Variants in NKAIN3 observed in about 807,000 individuals in gnomAD.
The protein encoded by NKAIN3 is sodium/potassium-transporting ATPase subunit beta-1-interacting protein 3.
In NKAIN3, 25 loss-of-function variants were observed where a neutral mutation model predicts 30.2. The ratio of observed to expected loss-of-function variants is 0.83; its 90% CI spans 0.60 to 1.16. NKAIN3 has a LOEUF of 1.16. Among genes scored for constraint, NKAIN3 ranks in the 50% most tolerant of loss-of-function variants. The pLI, the probability that NKAIN3 is intolerant of heterozygous loss-of-function variation, is 0.00. For missense variants in NKAIN3, 225 were observed against 254.1 expected, an observed-to-expected ratio of 0.89 and a Z score of 0.78; for synonymous variants, 91 against 89.6, an observed-to-expected ratio of 1.02 and a Z score of -0.09.
intron 1 of NKAIN3, among the ~76,000 whole-genome samples, chr8:62,534,781 C>T (rs1025329151): frequency 6.6e-6 from 1 of 152,008 alleles, no homozygotes; most frequent in East Asian, 1.9e-4. Flanking sequence ...GAGACCTCTA[C>T]TTCTCCATAT....
chr8:62,610,692 C>T (rs1322643940), intron 3 of NKAIN3, among the ~76,000 whole-genome samples: 3 of 152,078 alleles, frequency 2.0e-5, no homozygotes, highest in African/African-American at 7.2e-5. Flanking sequence ...TAGCCTTTTT[C>T]TTTCTTACTT....
At chr8:62,761,711 A>C (rs938574617) in intron 4 of NKAIN3, among the ~76,000 whole-genome samples, 3 of 152,220 alleles carry the variant, frequency 2.0e-5, no homozygotes, top group African/African-American at 7.2e-5. Context: ...GTATGGCTGC[A>C]TCTTCTATTA....
At chr8:62,934,549 A>G (rs1822725035) in intron 5 of NKAIN3, among the ~76,000 whole-genome samples, 2 of 152,084 alleles carry the variant, frequency 1.3e-5, no homozygotes, top group Non-Finnish European at 1.5e-5. Context: ...AAAAGCAATG[A>G]CAGAAGCTGC....
chr8:62,720,009 C>T (rs1586126634), intron 3 of NKAIN3, among the ~76,000 whole-genome samples: 1 of 152,016 alleles, frequency 6.6e-6, no homozygotes, highest in East Asian at 1.9e-4. Context: ...CGCCCGCCTC[C>T]GCCTGCCAAA....
At chr8:62,605,835 A>G (rs1268020335) in intron 3 of NKAIN3, among the ~76,000 whole-genome samples, 3 of 152,066 alleles carry the variant, frequency 2.0e-5, no homozygotes, top group African/African-American at 7.2e-5. Flanking sequence ...CCCCGTGGAT[A>G]CTGAGGAACA....
chr8:62,648,610 T>A (rs1458006597), intron 3 of NKAIN3, among the ~76,000 whole-genome samples: 1 of 152,182 alleles, frequency 6.6e-6, no homozygotes, highest in African/African-American at 2.4e-5. Flanking sequence ...GCTCAGTCAC[T>A]GAGACACTTT....
chr8:62,527,004 T>C (rs1247496829), intron 1 of NKAIN3, among the ~76,000 whole-genome samples: 1 of 152,126 alleles, frequency 6.6e-6, no homozygotes, highest in South Asian at 2.1e-4. Flanking sequence ...CATCCCACCA[T>C]AGCTTCTGTC....
In NKAIN3 at chr8:62,980,846, C is replaced by T. The variant is rs1824058886; in HGVS notation, c.*15439C>T. On this transcript the variant is annotated 3_prime_UTR_variant, in exon 7 of 7. Coordinates refer to ENST00000623646, the MANE Select transcript of NKAIN3 (RefSeq NM_001304533.3). ...TAATTCCATTTATTATTTTAAGCCA[C>T]TTGTTTGGTGTTATGGATTTTAAGA... 1 of 152,084 alleles carries T rather than the reference C, an allele frequency of 6.6e-6. No homozygotes were observed. Among genetic ancestry groups the T allele is most frequent in the Non-Finnish European group, 1.5e-5 (1 of 68,020 alleles). 9.4% of individuals were successfully genotyped at this position (152,084 alleles called of 1,614,324 possible). A position where few individuals can be genotyped will look rare whatever the true frequency, so the allele number is the denominator to read the frequency against.
intron 4 of NKAIN3, among the ~76,000 whole-genome samples, chr8:62,897,668 T>C (rs537188863): frequency 3.4e-4 from 52 of 152,184 alleles, no homozygotes; most frequent in African/African-American, 1.3e-3. Context: ...TACTGGGAGG[T>C]GACTCCCAGT....
At chr8:62,857,023 T>G in intron 4 of NKAIN3, 1 of 514,376 alleles carries the variant, frequency 1.9e-6, no homozygotes, top group South Asian at 1.5e-5. Flanking sequence ...CAAGGTTCTC[T>G]TCTTGTTCTT....
chr8:62,533,289 C>T (rs187260631), intron 1 of NKAIN3, among the ~76,000 whole-genome samples: 413 of 152,242 alleles, frequency 2.7e-3, no homozygotes, highest in African/African-American at 8.5e-3. Context: ...GAATTTTAAC[C>T]AGTAATAACT....
intron 1 of NKAIN3, among the ~76,000 whole-genome samples, chr8:62,367,273 A>G (rs13266781): frequency 0.97 from 147,525 of 152,192 alleles, 71,558 homozygotes; most frequent in East Asian, 1. Context: ...GTAAGAAAAA[A>G]AAAAATAGGG....
intron 4 of NKAIN3, among the ~76,000 whole-genome samples, chr8:62,837,384 A>G (rs1301670722): frequency 6.6e-6 from 1 of 152,162 alleles, no homozygotes; most frequent in Non-Finnish European, 1.5e-5. Context: ...AGGCGGAGGA[A>G]ACGCCCTTAT....
intron 1 of NKAIN3, among the ~76,000 whole-genome samples, chr8:62,313,345 TTG>T (rs1478614482): frequency 6.6e-6 from 1 of 152,056 alleles, no homozygotes; most frequent in Non-Finnish European, 1.5e-5. Flanking sequence ...ACAATGAAAG[TTG>T]TGTCTTTGAA....
chr8:62,490,562 G>A (rs1807034608), intron 1 of NKAIN3, among the ~76,000 whole-genome samples: 1 of 152,150 alleles, frequency 6.6e-6, no homozygotes, highest in Non-Finnish European at 1.5e-5. Context: ...TCCTCAGAAA[G>A]TCTGGTAGAG....
In NKAIN3 at chr8:62,680,158, G is replaced by A. The variant is rs536216703; in HGVS notation, c.274-66774G>A. Among the ~76,000 whole-genome samples the A allele has an allele frequency of 3.3e-5, 5 of 152,194 alleles. No homozygotes were observed. The South Asian group carries it at 6.2e-4, about 19-fold the overall frequency. On this transcript the variant is annotated intron_variant, in intron 3 of 6. Transcript: ENST00000623646. ...GCCTCTAGAAGCTTAGAGTAACCCC[G>A]GGCTAACAGTCAGCAAGGAAACTTG...
rs1034173772 is a variant in NKAIN3 at position 62,974,915 on chromosome 8, T to A, written c.*9508T>A. Among the ~76,000 whole-genome samples, 4 of 152,236 alleles carry A rather than the reference T, an allele frequency of 2.6e-5. No individual in the cohort carries two copies. The highest frequency in any genetic ancestry group is 9.6e-5 in the African/African-American group (4 of 41,462). ...AAGGCCTTTTCCGCATCTATTGAGA[T>A]AATCATGTGGTTTTTGTCATTGGTT... On this transcript the variant is annotated 3_prime_UTR_variant, in exon 7 of 7. Transcript: ENST00000623646.
At chr8:62,279,284 G>A (rs1306469389) in intron 1 of NKAIN3, among the ~76,000 whole-genome samples, 2 of 151,964 alleles carry the variant, frequency 1.3e-5, no homozygotes, top group East Asian at 1.9e-4. Context: ...CCTTTTTCAG[G>A]TGAGTAGATT....
chr8:62,961,681 T>C (rs1823575195), intron 6 of NKAIN3, among the ~76,000 whole-genome samples: 2 of 152,114 alleles, frequency 1.3e-5, no homozygotes, highest in African/African-American at 2.4e-5. Flanking sequence ...GAAAAAAACA[T>C]ATTTGCAATT....
Sources: gnomAD v4.1 joint callset for allele counts (sites outside exome capture counted in the v4.1 genomes callset) on GRCh38, gnomAD v4.1.1 for gene constraint, MANE v1.5 for transcripts, NCBI Gene and HGNC (gene_info 2026-07-23, HGNC 2026-07-21) for gene names.